Variants in FIGNL2 observed in about 807,000 individuals in gnomAD.
The protein encoded by FIGNL2 is fidgetin like 2.
For synonymous variants in FIGNL2, 565 were observed against 484.0 expected (o/e 1.17, Z -2.20); for missense variants, 1,060 against 950.2 (o/e 1.12, Z -1.52).
intron 1 of FIGNL2, among the ~76,000 whole-genome samples, chr12:51,829,705 G>A (rs1592189870): frequency 6.6e-6 from 1 of 152,072 alleles, no homozygotes; most frequent in African/African-American, 2.4e-5. Context: ...ACCCATGCCT[G>A]CAGACTTGAT....
At chr12:51,823,117 G>A (rs1425126446) in intron 1 of FIGNL2, among the ~76,000 whole-genome samples, 1 of 152,226 alleles carries the variant, frequency 6.6e-6, no homozygotes, top group Non-Finnish European at 1.5e-5. Flanking sequence ...GCTTCTGCCT[G>A]ATGAAGTCAG....
Position 51,819,153 on chromosome 12 carries a change from C to T in FIGNL2, c.*1299G>A, listed in dbSNP as rs1343812424. On this transcript the variant is annotated 3_prime_UTR_variant, in exon 2 of 2. Transcript: ENST00000618634. ...ACTGGGGACCTCTGCCAAGGCAGGG[C>T]CAGGGGACATGACCTTTCTGGAGAC... 1 of 152,284 alleles carries T rather than the reference C, an allele frequency of 6.6e-6. No individual in the cohort carries two copies. Among genetic ancestry groups the T allele is most frequent in the Non-Finnish European group, 1.5e-5 (1 of 68,090 alleles). 9.4% of individuals were successfully genotyped at this position (152,284 alleles called of 1,614,324 possible). A position where few individuals can be genotyped will look rare whatever the true frequency, so the allele number is the denominator to read the frequency against.
In FIGNL2 at chr12:51,821,989, G is replaced by C; in HGVS notation, c.425C>G (p.Pro142Arg). 1 of 1,580,604 alleles carries C rather than the reference G, an allele frequency of 6.3e-7. No homozygotes were observed. Among genetic ancestry groups the C allele is most frequent in the South Asian group, 1.2e-5 (1 of 86,706 alleles). ...SPVLAGNLPE[P>R]LYAGNACGGP... The stretch of plus-strand genomic sequence containing the variant: ...CCCGCACGCATTGCCGGCGTAGAGG[G>C]GTTCAGGGAGGTTCCCGGCTAAAAC... The change falls in exon 2 of 2, where the codon CCC becomes CGC. Residue 142 changes from proline (P) to arginine (R), a missense_variant. Physicochemically the swap from Pro to Arg is moderately radical, Grantham distance 103 (BLOSUM62 -2). Coordinates refer to ENST00000618634, the MANE Select transcript of FIGNL2 (RefSeq NM_001384995.1).
At chr12:51,830,694 T>G (rs902401497) in intron 1 of FIGNL2, among the ~76,000 whole-genome samples, 13 of 152,000 alleles carry the variant, frequency 8.6e-5, no homozygotes, top group East Asian at 3.9e-4. Flanking sequence ...GGTTTCACCA[T>G]GTTGGCCAGG....
intron 1 of FIGNL2, among the ~76,000 whole-genome samples, chr12:51,830,790 T>C (rs989479353): frequency 6.6e-6 from 1 of 151,994 alleles, no homozygotes; most frequent in Non-Finnish European, 1.5e-5. Context: ...ACACCCGGCC[T>C]ACGCTCTTTT....
intron 1 of FIGNL2, among the ~76,000 whole-genome samples, chr12:51,834,777 G>A (rs115144150): frequency 0.013 from 2,021 of 152,346 alleles, 33 homozygotes; most frequent in South Asian, 0.058. Flanking sequence ...TGCTCTGAGA[G>A]GCCAGGCCAG....
Position 51,820,288 on chromosome 12 carries a change from C to T in FIGNL2, c.*164G>A. 1.1e-6 allele frequency: 1 copy of T among 921,940 alleles called. No homozygotes were observed. Among genetic ancestry groups the T allele is most frequent in the Non-Finnish European group, 1.6e-6 (1 of 638,708 alleles). The allele number at this position is 921,940 out of a possible 1,614,324, so 57.1% of individuals were successfully genotyped here. On this transcript the variant is annotated 3_prime_UTR_variant, in exon 2 of 2. Transcript: ENST00000618634. The stretch of plus-strand genomic sequence containing the variant: ...GGCATCTGCCTGGCAGAAGCATTTT[C>T]CTTCCCACGAAAAAAAAAATATCCA...
At chr12:51,834,846 A>G (rs1462336720) in intron 1 of FIGNL2, among the ~76,000 whole-genome samples, 2 of 152,232 alleles carry the variant, frequency 1.3e-5, no homozygotes, top group African/African-American at 4.8e-5. Context: ...AGTGTTTGCA[A>G]AGAACTTCAT....
chr12:51,846,306 A>C (rs1341972802), intron 1 of FIGNL2, among the ~76,000 whole-genome samples: 1 of 152,134 alleles, frequency 6.6e-6, no homozygotes, highest in East Asian at 1.9e-4. Flanking sequence ...GGTGATGCGG[A>C]GGAGGTGCGC....
At position 51,821,936 on chromosome 12, in the gene FIGNL2, C is replaced by A. The variant is rs1004382681; in HGVS notation, c.478G>T (p.Ala160Ser). Residue 160 changes from alanine to serine, a missense_variant, in exon 2 of 2, where the codon GCC (alanine) becomes TCC (serine). Transcript: ENST00000618634. ...GGPSAAPEYA[A>S]GYGGGYLAPG... ...GCCAGGTACCCCCCGCCGTAGCCGG[C>A]CGCGTACTCGGGCGCCGCCGATGGG... 6.6e-7 allele frequency: 1 copy of A among 1,515,522 alleles called. No homozygotes were observed. Among genetic ancestry groups the A allele is most frequent in the Middle Eastern group, 2.3e-4 (1 of 4,278 alleles). The allele number at this position is 1,515,522 out of a possible 1,614,324, so 93.9% of individuals were successfully genotyped here. A position where few individuals can be genotyped will look rare whatever the true frequency, so the allele number is the denominator to read the frequency against.
intron 1 of FIGNL2, among the ~76,000 whole-genome samples, chr12:51,844,303 C>T (rs1353862298): frequency 6.6e-6 from 1 of 152,180 alleles, no homozygotes; most frequent in African/African-American, 2.4e-5. Context: ...GGCCACTGCC[C>T]AGCTCTCCCA....
intron 1 of FIGNL2, among the ~76,000 whole-genome samples, chr12:51,841,000 GC>G (rs1939651436): frequency 6.6e-6 from 1 of 152,196 alleles, no homozygotes; most frequent in African/African-American, 2.4e-5. Flanking sequence ...AGAGAGACAT[GC>G]CCCCACAGGG....
intron 1 of FIGNL2, among the ~76,000 whole-genome samples, chr12:51,843,801 C>T (rs1939701347): frequency 6.6e-6 from 1 of 152,080 alleles, no homozygotes; most frequent in Non-Finnish European, 1.5e-5. Context: ...AGGCTGGTTG[C>T]AATGGCTCAC....
rs765809952 is a variant in FIGNL2, at chr12:51,820,716, G to C, written c.1698C>G (p.Ile566Met). The change falls in exon 2 of 2, where the codon ATC (isoleucine) becomes ATG (methionine). Residue 566 changes from isoleucine (I) to methionine (M), a missense_variant. Ile to Met is a conservative substitution (Grantham distance 10). Coordinates refer to ENST00000618634, the MANE Select transcript of FIGNL2 (RefSeq NM_001384995.1). ...ALPDSPARGQ[I>M]LQRALAQQGC... ...CCTGCTGGGCCAGCGCCCGCTGCAG[G>C]ATCTGCCCGCGGGCCGGGCTGTCGG... 1.9e-5 allele frequency: 28 copies of C among 1,480,968 alleles called. 1 individual carries two copies. The South Asian group carries it at 3.1e-4, about 16-fold the overall frequency. 91.7% of individuals were successfully genotyped at this position (1,480,968 alleles called of 1,614,324 possible). A position where few individuals can be genotyped will look rare whatever the true frequency, so the allele number is the denominator to read the frequency against.
intron 1 of FIGNL2, chr12:51,848,066 C>A: frequency 1.1e-6 from 1 of 905,818 alleles, no homozygotes; most frequent in Non-Finnish European, 1.3e-6. Flanking sequence ...GGGCCAGTAA[C>A]CCAGCCCCCA....
intron 1 of FIGNL2, among the ~76,000 whole-genome samples, chr12:51,842,667 A>C (rs1242502214): frequency 6.6e-6 from 1 of 151,220 alleles, no homozygotes; most frequent in Non-Finnish European, 1.5e-5. Context: ...CTCCCCCAGG[A>C]AAAGGCAATC....
At chr12:51,837,160 T>C (rs1939592459) in intron 1 of FIGNL2, among the ~76,000 whole-genome samples, 1 of 152,046 alleles carries the variant, frequency 6.6e-6, no homozygotes, top group Non-Finnish European at 1.5e-5. Flanking sequence ...GATTAAGCAT[T>C]CTGGGGCACA....
Position 51,821,932 on chromosome 12 carries a change from C to T in FIGNL2, c.482G>A (p.Gly161Asp). The change falls in exon 2 of 2, where the codon GGC becomes GAC. Residue 161 changes from glycine (G) to aspartate (D), a missense_variant. Gly to Asp is a moderately conservative substitution (Grantham distance 94). Coordinates refer to ENST00000618634, the MANE Select transcript of FIGNL2 (RefSeq NM_001384995.1). ...GPSAAPEYAAGYGGGYLAPGY... is the reference protein window; with the variant it reads ...GPSAAPEYAADYGGGYLAPGY... ...CGGCGCCAGGTACCCCCCGCCGTAGCCGGCCGCGTACTCGGGCGCCGCCGA... is the reference window on the plus strand; with the variant it reads ...CGGCGCCAGGTACCCCCCGCCGTAGTCGGCCGCGTACTCGGGCGCCGCCGA... 1.3e-6 allele frequency: 2 copies of T among 1,509,920 alleles called. No homozygotes were observed. The highest frequency in any genetic ancestry group is 1.8e-6 in the Non-Finnish European group (2 of 1,130,666). 93.5% of individuals were successfully genotyped at this position (1,509,920 alleles called of 1,614,324 possible). A position where few individuals can be genotyped will look rare whatever the true frequency, so the allele number is the denominator to read the frequency against.
chr12:51,821,867 G>C lies in FIGNL2; in HGVS notation c.547C>G (p.Pro183Ala). ...GGGGGCTGCAGGAGCGCGGCCGGGG[G>C]CGGCGGGGGCAGCGCGGCGCCCGTC... is the stretch of plus-strand genomic sequence containing the variant. Reference protein sequence around the residue: ...AQTGAALPPPPPAALLQPPPP... With the variant: ...AQTGAALPPPAPAALLQPPPP... The change falls in exon 2 of 2, where the codon CCC (proline) becomes GCC (alanine). Residue 183 changes from proline to alanine, a missense_variant. Physicochemically the swap from Pro to Ala is conservative, Grantham distance 27 (BLOSUM62 -1). Coordinates refer to ENST00000618634, the MANE Select transcript of FIGNL2 (RefSeq NM_001384995.1). The C allele has an allele frequency of 1.2e-5, 15 of 1,298,856 alleles. No individual in the cohort carries two copies. Among genetic ancestry groups the C allele is most frequent in the Non-Finnish European group, 1.5e-5 (15 of 1,026,746 alleles). 80.5% of individuals were successfully genotyped at this position (1,298,856 alleles called of 1,614,324 possible).
Sources: allele counts gnomAD v4.1 joint callset (sites outside exome capture counted in the v4.1 genomes callset), GRCh38; gene constraint gnomAD v4.1.1; transcripts MANE v1.5; gene names NCBI Gene and HGNC (gene_info 2026-07-23, HGNC 2026-07-21).